Variants in DMXL1 observed in about 807,000 individuals in gnomAD.
The protein encoded by DMXL1 is Dmx like 1, also known as dmX-like protein 1.
In DMXL1, 99 loss-of-function variants were observed where a neutral mutation model predicts 319.2. The observed-to-expected ratio is 0.31, with a 90% CI of 0.26 to 0.37. The LOEUF (loss-of-function observed/expected upper bound fraction) is 0.37, where lower values mean the gene tolerates loss of function less well. Ranked by LOEUF, DMXL1 falls within the 10% of genes least tolerant of loss-of-function variation. The pLI is 1.00. For missense variants in DMXL1, 3,745 were observed against 3,595.6 expected (o/e 1.04, Z -1.06); for synonymous variants, 1,385 against 1,235.2 (o/e 1.12, Z -2.54).
intron 25 of DMXL1, among the ~76,000 whole-genome samples, 164 bp downstream of exon 25, chr5:119,172,133 T>C (rs1038525631): frequency 6.6e-6 from 1 of 152,196 alleles, no homozygotes; most frequent in South Asian, 2.1e-4. Context: ...CTTCTGGTTG[T>C]AGACTGGCTT....
chr5:119,179,416 T>C (rs547933786), intron 28 of DMXL1, among the ~76,000 whole-genome samples: 75 of 152,046 alleles, frequency 4.9e-4, no homozygotes, highest in Non-Finnish European at 1.6e-4. Flanking sequence ...ACTGAACATA[T>C]GCTTGTACAT....
Position 119,247,344 on chromosome 5 carries a change from G to A in DMXL1, c.*125G>A. On this transcript the variant is annotated 3_prime_UTR_variant, in exon 44 of 44. Transcript: ENST00000539542. The stretch of plus-strand genomic sequence containing the variant: ...TTCTTGTTTTTATATTTATTTTATG[G>A]AGCTTTGCCCTTGATGCACTGATGC... 1 of 724,062 alleles carries A rather than the reference G, an allele frequency of 1.4e-6. No individual in the cohort carries two copies. The highest frequency in any genetic ancestry group is 2.2e-6 in the Non-Finnish European group (1 of 453,534). 44.9% of individuals were successfully genotyped at this position (724,062 alleles called of 1,614,324 possible). A position where few individuals can be genotyped will look rare whatever the true frequency, so the allele number is the denominator to read the frequency against.
intron 8 of DMXL1, among the ~76,000 whole-genome samples, chr5:119,120,179 G>A (rs769086095): frequency 2.6e-5 from 4 of 152,236 alleles, no homozygotes; most frequent in African/African-American, 9.6e-5. Flanking sequence ...GATCACAGGC[G>A]TGAGCCACCA....
chr5:119,093,890 G>A (rs1755350559), intron 1 of DMXL1, among the ~76,000 whole-genome samples: 1 of 152,210 alleles, frequency 6.6e-6, no homozygotes, highest in Admixed American at 6.5e-5. Context: ...GCCTAATCCA[G>A]AGCAGGACCC....
At chr5:119,143,179 A>G (rs1206897380) in intron 13 of DMXL1, among the ~76,000 whole-genome samples, 1 of 152,192 alleles carries the variant, frequency 6.6e-6, no homozygotes, top group East Asian at 1.9e-4. Context: ...GCCCTGTGAC[A>G]TGAGTTTAGC....
At chr5:119,221,780 ATT>A (rs1784685863) in intron 37 of DMXL1, among the ~76,000 whole-genome samples, 1 of 110,010 alleles carries the variant, frequency 9.1e-6, no homozygotes, top group Non-Finnish European at 1.9e-5. Context: ...CAGGACAAAT[ATT>A]CTTTTTTTTT....
At chr5:119,190,284 T>G (rs1484279939) in intron 29 of DMXL1, among the ~76,000 whole-genome samples, 1 of 152,198 alleles carries the variant, frequency 6.6e-6, no homozygotes, top group Non-Finnish European at 1.5e-5. Context: ...AATCCATAAA[T>G]TTCAATTACC....
chr5:119,231,636 A>G (rs1347334342), intron 38 of DMXL1, among the ~76,000 whole-genome samples: 1 of 152,188 alleles, frequency 6.6e-6, no homozygotes, highest in African/African-American at 2.4e-5. Context: ...TAATGAGTTT[A>G]TTTTAGCTTT....
chr5:119,132,649 C>T (rs141180844), intron 10 of DMXL1: 10 of 391,734 alleles, frequency 2.6e-5, no homozygotes, highest in Middle Eastern at 9.1e-4. Flanking sequence ...TGTACTCCAG[C>T]TGGGGCAAGA....
chr5:119,202,883 T>A (rs11746263), intron 32 of DMXL1, among the ~76,000 whole-genome samples: 3,612 of 71,318 alleles, frequency 0.051, 85 homozygotes, highest in East Asian at 0.21. Flanking sequence ...ATATATATAT[T>A]TTTATATATA....
chr5:119,121,747 TC>T (rs1762105355), intron 9 of DMXL1, among the ~76,000 whole-genome samples: 1 of 152,226 alleles, frequency 6.6e-6, no homozygotes, highest in African/African-American at 2.4e-5. Context: ...CCCTTTCTGT[TC>T]CACAAAACCG....
At chr5:119,132,876 T>A in intron 10 of DMXL1, 1 of 570,676 alleles carries the variant, frequency 1.8e-6, no homozygotes, top group Non-Finnish European at 3.2e-6. Context: ...CAAAAGTAGA[T>A]AAGAAACTAG....
intron 39 of DMXL1, among the ~76,000 whole-genome samples, chr5:119,235,597 A>G (rs942462638): frequency 6.6e-6 from 1 of 152,184 alleles, no homozygotes; most frequent in Non-Finnish European, 1.5e-5. Flanking sequence ...GAATATTGGA[A>G]GAGAAAGGGC....
At chr5:119,098,555 A>G (rs1756512685) in intron 2 of DMXL1, among the ~76,000 whole-genome samples, 1 of 152,168 alleles carries the variant, frequency 6.6e-6, no homozygotes, top group Non-Finnish European at 1.5e-5. Flanking sequence ...AGAGTTTATA[A>G]TATTCTAAGC....
At chr5:119,083,346 A>G (rs1436583719) in intron 1 of DMXL1, among the ~76,000 whole-genome samples, 1 of 152,142 alleles carries the variant, frequency 6.6e-6, no homozygotes. Flanking sequence ...TAATGGCTGA[A>G]TAATATTTCA....
At position 119,187,055 on chromosome 5, in the gene DMXL1, G is replaced by A. The variant is rs568693820; in HGVS notation, c.7136-2653G>A. 8.6e-5 allele frequency among the ~76,000 whole-genome samples: 13 copies of A among 151,572 alleles called. No individual in the cohort carries two copies. The East Asian group carries it at 1.5e-3, about 18-fold the overall frequency. ...AAACCTGCACGTTGTGCACATGTAC[G>A]ATAGAACTTAAAGTATAATTTAAAA... On this transcript the variant is annotated intron_variant, in intron 28 of 43. Transcript: ENST00000539542.
chr5:119,158,800 A>T (rs921827936), intron 19 of DMXL1, among the ~76,000 whole-genome samples: 5 of 152,208 alleles, frequency 3.3e-5, no homozygotes, highest in Non-Finnish European at 5.9e-5. Flanking sequence ...TAATTTGCAC[A>T]TGTTGAGCTA....
rs372407529 is a variant in DMXL1 at position 119,246,973 on chromosome 5, G to A, written c.8923-22G>A. ...AGGTCATCATCAACCCTAATTTTCC[G>A]TTTGTTCTTAATATCTTTCAGATTT... On this transcript the variant is annotated intron_variant, in intron 43 of 43. Transcript: ENST00000539542. The A allele has an allele frequency of 1.5e-4, 238 of 1,555,390 alleles. 2 individuals are homozygous for A. The highest frequency in any genetic ancestry group is 1.1e-3 in the South Asian group (97 of 86,454).
chr5:119,177,392 A>C lies in DMXL1; in HGVS notation c.6794A>C (p.Tyr2265Ser). 1 of 1,597,156 alleles carries C rather than the reference A, an allele frequency of 6.3e-7. No individual in the cohort carries two copies. Among genetic ancestry groups the C allele is most frequent in the Non-Finnish European group, 8.5e-7 (1 of 1,170,852 alleles). Residue 2265 changes from tyrosine to serine, a missense_variant, in exon 27 of 44, where the codon TAT becomes TCT. By Grantham distance (144) the Tyr-to-Ser change is moderately radical. Around this residue, in one of 4 missense-constraint regions of DMXL1, gnomAD observed 1,382 missense variants for 1,269.5 expected, o/e 1.09. Coordinates refer to ENST00000539542, the MANE Select transcript of DMXL1 (RefSeq NM_001290321.3). ...FQTNQFTGMV[Y>S]QTVLLPHRPS... is the part of the protein sequence containing the mutation. ...ACGAATCAGTTTACTGGAATGGTATATCAGACAGTACTGCTTCCTCATCGA... is the reference window on the plus strand; with the variant it reads ...ACGAATCAGTTTACTGGAATGGTATCTCAGACAGTACTGCTTCCTCATCGA...
Sources: gnomAD v4.1 joint callset for allele counts (sites outside exome capture counted in the v4.1 genomes callset) on GRCh38, gnomAD v4.1.1 for gene constraint, gnomAD v4.1.1 regional missense constraint, MANE v1.5 for transcripts, NCBI Gene and HGNC (gene_info 2026-07-23, HGNC 2026-07-21) for gene names.